ZNF827: variants seen among roughly 807,000 people sequenced by gnomAD.
ZNF827 encodes the protein zinc finger protein 827.
In ZNF827, 13 loss-of-function variants were observed where a neutral mutation model predicts 102.4. The observed-to-expected ratio is 0.13, with a 90% confidence interval of 0.08 to 0.20. The LOEUF is 0.20. Among genes scored for constraint, ZNF827 ranks in the 10% least tolerant of loss-of-function variants. The probability of loss-of-function intolerance (pLI) is 1.00; values close to 1 mark genes in which losing one functional copy is unlikely to be tolerated. For synonymous variants in ZNF827, 523 were observed against 536.2 expected (o/e 0.98, Z 0.34); for missense variants, 1,103 against 1,344.4 (o/e 0.82, Z 2.81).
At chr4:145,850,251 G>A (rs1359965844) in intron 5 of ZNF827, among the ~76,000 whole-genome samples, 2 of 152,034 alleles carry the variant, frequency 1.3e-5, no homozygotes, top group Non-Finnish European at 2.9e-5. Flanking sequence ...CTCAGGTGAT[G>A]TGCCCACTTC....
At chr4:145,917,700 C>CAAAAAAAAAAA (rs763617063) in intron 1 of ZNF827, among the ~76,000 whole-genome samples, 10 of 46,834 alleles carry the variant, frequency 2.1e-4, no homozygotes, top group East Asian at 1.7e-3. Context: ...GGTAGCTGGT[C>CAAAAAAAAAAA]AAAAAAAAAA....
chr4:145,912,919 G>C (rs1266547404), intron 1 of ZNF827, among the ~76,000 whole-genome samples: 1 of 152,138 alleles, frequency 6.6e-6, no homozygotes, highest in Non-Finnish European at 1.5e-5. Flanking sequence ...TTGGATGAAG[G>C]CCTGAGGCAT....
At chr4:145,889,863 G>C (rs1316399908) in intron 3 of ZNF827, among the ~76,000 whole-genome samples, 1 of 151,920 alleles carries the variant, frequency 6.6e-6, no homozygotes, top group Non-Finnish European at 1.5e-5. Context: ...TGTAGTCCCA[G>C]CTACTCGGGA....
chr4:145,839,202 C>CAA (rs751155906), intron 7 of ZNF827: 17 of 152,192 alleles, frequency 1.1e-4, no homozygotes, highest in Non-Finnish European at 2.2e-4. Context: ...TTTCAAGGAA[C>CAA]AAGTTTCTGT....
chr4:145,870,541 G>A (rs1400636172), intron 4 of ZNF827, 63 bp from the exon 5 acceptor site: 16 of 1,391,024 alleles, frequency 1.2e-5, no homozygotes, highest in Non-Finnish European at 1.5e-5. Flanking sequence ...TAGCTGCCCT[G>A]GTACTTCACG....
At chr4:145,795,657 C>T (rs1358231778) in intron 8 of ZNF827, among the ~76,000 whole-genome samples, 3 of 152,134 alleles carry the variant, frequency 2.0e-5, no homozygotes, top group Non-Finnish European at 4.4e-5. Flanking sequence ...TTAGGCAACA[C>T]GATAATGAGA....
rs1743377240 is a variant in ZNF827, at chr4:145,823,629, T to G, written c.2280-104A>C. On this transcript the variant is annotated intron_variant, in intron 7 of 14. Coordinates refer to ENST00000508784, the MANE Select transcript of ZNF827 (RefSeq NM_001306215.2). ...ATATACGCAATATTAGATAAGGTGTTGCTGTTTGCAACGGTGTTTAGTGAA... is the reference window on the plus strand; with the variant it reads ...ATATACGCAATATTAGATAAGGTGTGGCTGTTTGCAACGGTGTTTAGTGAA... The G allele has an allele frequency of 5.3e-6, 4 of 760,400 alleles. No homozygotes were observed. The South Asian group carries it at 6.3e-5, about 12-fold the overall frequency. The allele number at this position is 760,400 out of a possible 1,614,324, so 47.1% of individuals were successfully genotyped here.
intron 8 of ZNF827, among the ~76,000 whole-genome samples, chr4:145,787,235 C>T (rs1418591265): frequency 1.3e-5 from 2 of 152,122 alleles, no homozygotes; most frequent in South Asian, 2.1e-4. Context: ...GAGGCCGAGG[C>T]GTGTGGATCA....
At chr4:145,864,233 T>G (rs1463489326) in intron 5 of ZNF827, among the ~76,000 whole-genome samples, 2 of 151,456 alleles carry the variant, frequency 1.3e-5, no homozygotes, top group Non-Finnish European at 2.9e-5. Context: ...AGATGGTACA[T>G]TAAAATCAGT....
intron 2 of ZNF827, among the ~76,000 whole-genome samples, chr4:145,897,075 G>A (rs1751036170): frequency 6.6e-6 from 1 of 152,162 alleles, no homozygotes; most frequent in Non-Finnish European, 1.5e-5. Flanking sequence ...TTACAGATGA[G>A]GATACTAAAC....
At chr4:145,770,698 T>C (rs1040051627) in intron 11 of ZNF827, among the ~76,000 whole-genome samples, 1 of 152,186 alleles carries the variant, frequency 6.6e-6, no homozygotes, top group Non-Finnish European at 1.5e-5. Context: ...ATTTGCATTG[T>C]TTTAAATGAT....
chr4:145,868,355 A>AG (rs1748390706), intron 5 of ZNF827, among the ~76,000 whole-genome samples: 2 of 116,256 alleles, frequency 1.7e-5, no homozygotes, highest in African/African-American at 6.3e-5. Flanking sequence ...TGAGGATTTG[A>AG]GGATTTTTTT....
At chr4:145,854,444 G>C (rs1054017741) in intron 5 of ZNF827, among the ~76,000 whole-genome samples, 1 of 151,952 alleles carries the variant, frequency 6.6e-6, no homozygotes, top group African/African-American at 2.4e-5. Flanking sequence ...AGATAGAGAG[G>C]GAATAGTCCC....
intron 4 of ZNF827, among the ~76,000 whole-genome samples, chr4:145,873,440 T>C (rs533126952): frequency 2.0e-5 from 3 of 152,338 alleles, no homozygotes; most frequent in Non-Finnish European, 2.9e-5. Flanking sequence ...GTGCTTTCCC[T>C]GGATTTAATA....
At position 145,765,311 on chromosome 4, in the gene ZNF827, T is replaced by A; in HGVS notation, c.3053-146A>T. On this transcript the variant is annotated intron_variant, in intron 12 of 14. Transcript: ENST00000508784. This position sits in a 1 kb window ranked among gnomAD's most constrained non-coding sequence, Gnocchi z 4.7. ...CCAGGCACTGTTCCCCATATCTCTG[T>A]GCTAAAAGGAGTTAAATGTACAAAC... is the stretch of plus-strand genomic sequence containing the variant. 9.8e-7 allele frequency: 1 copy of A among 1,022,640 alleles called. No individual in the cohort carries two copies. Among genetic ancestry groups the A allele is most frequent in the Non-Finnish European group, 1.4e-6 (1 of 720,702 alleles). The allele number at this position is 1,022,640 out of a possible 1,614,324, so 63.3% of individuals were successfully genotyped here. A position where few individuals can be genotyped will look rare whatever the true frequency, so the allele number is the denominator to read the frequency against.
At chr4:145,926,139 C>A (rs1406967388) in intron 1 of ZNF827, among the ~76,000 whole-genome samples, 1 of 152,186 alleles carries the variant, frequency 6.6e-6, no homozygotes, top group Non-Finnish European at 1.5e-5. Context: ...AATTCCCAAT[C>A]CCTGACACAC....
rs568667477 is a variant in ZNF827, at chr4:145,904,844, T to G, written c.44-1629A>C. Among the ~76,000 whole-genome samples, 387 of 152,270 alleles carry G rather than the reference T, an allele frequency of 2.5e-3. 1 individual carries two copies. Among genetic ancestry groups the G allele is most frequent in the Non-Finnish European group, 4.3e-3 (292 of 68,012 alleles). ...GCAAAACTGGGTACCACTGGAGGGT[T>G]TGTGGCAAGCGAGTGTTATGACATG... is the stretch of plus-strand genomic sequence containing the variant. On this transcript the variant is annotated intron_variant, in intron 1 of 14. Transcript: ENST00000508784.
intron 8 of ZNF827, among the ~76,000 whole-genome samples, chr4:145,802,998 T>C (rs1387067420): frequency 1.3e-5 from 2 of 152,132 alleles, no homozygotes; most frequent in African/African-American, 4.8e-5. Context: ...ACATGGTACA[T>C]GTGTGAGGAT....
chr4:145,878,602 C>CAGGAAAGGAAAGGAA lies in ZNF827; in HGVS notation c.1747+7061_1747+7075dup, dbSNP rs869069442. 2.7e-3 allele frequency among the ~76,000 whole-genome samples: 169 copies of CAGGAAAGGAAAGGAA among 63,526 alleles called. 1 individual carries two copies. Among genetic ancestry groups the CAGGAAAGGAAAGGAA allele is most frequent in the Middle Eastern group, 7.0e-3 (1 of 142 alleles). 41.7% of individuals were successfully genotyped at this position (63,526 alleles called of 152,430 possible). ...CAGGACAGGACAGGACAGGACAGGA[C>CAGGAAAGGAAAGGAA]AGGAAAGGAAAGGAAAGGAAAGGAA... On this transcript the variant is annotated intron_variant, in intron 4 of 14. Transcript: ENST00000508784.
Sources: gnomAD v4.1 joint callset for allele counts (sites outside exome capture counted in the v4.1 genomes callset) on GRCh38, gnomAD v4.1.1 for gene constraint, Gnocchi (gnomAD v3.1) non-coding constraint, MANE v1.5 for transcripts, NCBI Gene and HGNC (gene_info 2026-07-23, HGNC 2026-07-21) for gene names.